ST6GALNAC5: variants seen among roughly 807,000 people sequenced by gnomAD.
ST6GALNAC5 encodes ST6 N-acetylgalactosaminide alpha-2,6-sialyltransferase 5.
A neutral mutation model predicts 33.6 loss-of-function variants in ST6GALNAC5; 27 were observed. The observed-to-expected ratio is 0.80, with a 90% CI of 0.59 to 1.11. The LOEUF is 1.11. Among genes scored for constraint, ST6GALNAC5 ranks in the 50% least tolerant of loss-of-function variants. The pLI is 0.00. For missense variants in ST6GALNAC5, 428 were observed against 454.0 expected, an observed-to-expected ratio of 0.94 and a Z score of 0.52; for synonymous variants, 194 against 171.2, an observed-to-expected ratio of 1.13 and a Z score of -1.04.
intron 2 of ST6GALNAC5, among the ~76,000 whole-genome samples, chr1:76,967,563 T>C (rs1002460196): frequency 1.3e-5 from 2 of 152,246 alleles, no homozygotes; most frequent in African/African-American, 4.8e-5. Context: ...TTTTGAAGGG[T>C]TTTTTGTGTC....
chr1:76,954,079 G>A (rs1172216179), intron 2 of ST6GALNAC5, among the ~76,000 whole-genome samples: 1 of 152,100 alleles, frequency 6.6e-6, no homozygotes, highest in Non-Finnish European at 1.5e-5. Context: ...TTATTGATTA[G>A]GAGGGAAAAA....
At chr1:76,898,968 G>A (rs1037984003) in intron 2 of ST6GALNAC5, among the ~76,000 whole-genome samples, 1 of 152,120 alleles carries the variant, frequency 6.6e-6, no homozygotes. Context: ...TTTGGGATGA[G>A]TTGCATTGGG....
chr1:77,004,749 C>A (rs561870554), intron 2 of ST6GALNAC5, among the ~76,000 whole-genome samples: 2 of 123,382 alleles, frequency 1.6e-5, no homozygotes, highest in Non-Finnish European at 3.8e-5. Context: ...AATACCCTGC[C>A]GTGTGAGGTG....
At chr1:77,029,453 C>G (rs999703801) in intron 2 of ST6GALNAC5, among the ~76,000 whole-genome samples, 3 of 152,172 alleles carry the variant, frequency 2.0e-5, no homozygotes, top group Non-Finnish European at 4.4e-5. Context: ...TGTTACTATG[C>G]CATGTGTATC....
intron 3 of ST6GALNAC5, 39 bp from the exon 4 acceptor site, chr1:77,050,219 A>G: frequency 6.4e-7 from 1 of 1,569,978 alleles, no homozygotes; most frequent in Non-Finnish European, 8.8e-7. Context: ...TATAATGGTT[A>G]CTTTACCAGC....
At chr1:76,943,230 A>G (rs955979924) in intron 2 of ST6GALNAC5, among the ~76,000 whole-genome samples, 11 of 152,232 alleles carry the variant, frequency 7.2e-5, no homozygotes, top group African/African-American at 2.6e-4. Flanking sequence ...AAACTGAGGT[A>G]AAGTTACTTG....
intron 2 of ST6GALNAC5, among the ~76,000 whole-genome samples, chr1:76,902,841 A>G (rs1361489592): frequency 6.6e-6 from 1 of 152,156 alleles, no homozygotes; most frequent in Non-Finnish European, 1.5e-5. Context: ...ATGTAAAACA[A>G]TGAAATTGGG....
intron 4 of ST6GALNAC5, among the ~76,000 whole-genome samples, chr1:77,053,029 C>T (rs1457451176): frequency 6.6e-6 from 1 of 151,478 alleles, no homozygotes; most frequent in African/African-American, 2.4e-5. Flanking sequence ...AAGAACACAG[C>T]AAAGCCACTT....
chr1:76,885,287 AT>A (rs1244842514), intron 2 of ST6GALNAC5, among the ~76,000 whole-genome samples: 11 of 152,260 alleles, frequency 7.2e-5, no homozygotes, highest in African/African-American at 2.6e-4. Flanking sequence ...TGAAAATGAA[AT>A]TTTGTTCCCT....
intron 4 of ST6GALNAC5, among the ~76,000 whole-genome samples, chr1:77,053,718 G>A (rs1652302955): frequency 6.6e-6 from 1 of 152,188 alleles, no homozygotes; most frequent in Non-Finnish European, 1.5e-5. Flanking sequence ...TCATAGATGA[G>A]GAATGCTTAG....
chr1:76,910,957 A>G (rs902361360), intron 2 of ST6GALNAC5, among the ~76,000 whole-genome samples: 2 of 152,056 alleles, frequency 1.3e-5, no homozygotes, highest in Non-Finnish European at 2.9e-5. Context: ...TCATCAAGCT[A>G]ACCCTTTCGC....
At chr1:76,932,047 C>T (rs1348356790) in intron 2 of ST6GALNAC5, among the ~76,000 whole-genome samples, 1 of 151,978 alleles carries the variant, frequency 6.6e-6, no homozygotes. Context: ...TTGACTTCAG[C>T]AAGGTGGAGT....
intron 2 of ST6GALNAC5, among the ~76,000 whole-genome samples, chr1:76,953,006 A>T (rs1318665397): frequency 6.6e-6 from 1 of 152,056 alleles, no homozygotes; most frequent in East Asian, 1.9e-4. Flanking sequence ...TCGTCTACAT[A>T]GTTGCATGTA....
chr1:77,006,471 G>A (rs148597351), intron 2 of ST6GALNAC5, among the ~76,000 whole-genome samples: 1,657 of 151,464 alleles, frequency 0.011, 32 homozygotes, highest in African/African-American at 0.038. Flanking sequence ...CAGCCACCAC[G>A]CCTGGCTAAT....
At chr1:76,921,703 A>C (rs1647036167) in intron 2 of ST6GALNAC5, among the ~76,000 whole-genome samples, 1 of 152,208 alleles carries the variant, frequency 6.6e-6, no homozygotes. Flanking sequence ...AGAGGTATGC[A>C]ATACTAATTC....
chr1:77,041,432 T>C (rs1015176943), intron 2 of ST6GALNAC5, among the ~76,000 whole-genome samples: 3 of 152,242 alleles, frequency 2.0e-5, no homozygotes, highest in African/African-American at 7.2e-5. Context: ...GCAATTAGTT[T>C]TGCGCTAACA....
intron 2 of ST6GALNAC5, among the ~76,000 whole-genome samples, chr1:77,014,772 A>G (rs1280958584): frequency 6.6e-6 from 1 of 152,162 alleles, no homozygotes; most frequent in African/African-American, 2.4e-5. Flanking sequence ...CTTGAGATGA[A>G]CCACTAGACA....
intron 2 of ST6GALNAC5, among the ~76,000 whole-genome samples, chr1:76,879,926 T>G (rs1347669791): frequency 1.3e-5 from 2 of 152,178 alleles, no homozygotes; most frequent in Non-Finnish European, 2.9e-5. Context: ...CACCTTTTGT[T>G]GCAAGTCAGC....
At chr1:76,913,408 C>T (rs1353569777) in intron 2 of ST6GALNAC5, among the ~76,000 whole-genome samples, 1 of 151,344 alleles carries the variant, frequency 6.6e-6, no homozygotes, top group African/African-American at 2.5e-5. Context: ...TGGAGTTGCT[C>T]TTCTCAAGGA....
Sources: allele counts gnomAD v4.1 joint callset (sites outside exome capture counted in the v4.1 genomes callset), GRCh38; gene constraint gnomAD v4.1.1; transcripts MANE v1.5; gene names NCBI Gene and HGNC (gene_info 2026-07-23, HGNC 2026-07-21).